Variants in FERMT2 observed in about 807,000 individuals in gnomAD.
The protein encoded by FERMT2 is fermitin family homolog 2.
In FERMT2, 15 loss-of-function variants were observed where a neutral mutation model predicts 82.7. The observed-to-expected ratio is 0.18, with a 90% CI of 0.12 to 0.28. The LOEUF is 0.28. Ranked by LOEUF, FERMT2 falls within the 10% of genes least tolerant of loss-of-function variation. The pLI is 1.00. For missense variants in FERMT2, 645 were observed against 809.4 expected (o/e 0.80, Z 2.46); for synonymous variants, 274 against 271.5 (o/e 1.01, Z -0.09).
chr14:52,906,091 A>G (rs1887993369), intron 3 of FERMT2, among the ~76,000 whole-genome samples: 1 of 152,200 alleles, frequency 6.6e-6, no homozygotes, highest in Non-Finnish European at 1.5e-5. Context: ...CTTACTGCCT[A>G]TGGGCAGGGG....
At chr14:52,927,157 A>T (rs1017236991) in intron 2 of FERMT2, among the ~76,000 whole-genome samples, 3 of 152,184 alleles carry the variant, frequency 2.0e-5, no homozygotes, top group African/African-American at 7.2e-5. Context: ...ACATCTGTGT[A>T]TTCTAAGGAA....
intron 2 of FERMT2, among the ~76,000 whole-genome samples, chr14:52,949,613 A>C (rs1260199311): frequency 6.6e-6 from 1 of 152,136 alleles, no homozygotes; most frequent in African/African-American, 2.4e-5. Flanking sequence ...AAATGGTTTC[A>C]TTCATCACAA....
intron 3 of FERMT2, among the ~76,000 whole-genome samples, chr14:52,904,685 C>A (rs560432179): frequency 1.9e-4 from 28 of 147,628 alleles, no homozygotes; most frequent in Non-Finnish European, 3.9e-4. Context: ...AGAGCAAGAC[C>A]CTTTCAAAAA....
intron 9 of FERMT2, among the ~76,000 whole-genome samples, chr14:52,873,919 T>A (rs1281304912): frequency 6.6e-6 from 1 of 152,010 alleles, no homozygotes; most frequent in Non-Finnish European, 1.5e-5. Context: ...TGTTTCAGCA[T>A]CTGTATGATG....
At chr14:52,906,743 A>G (rs1329846649) in intron 3 of FERMT2, among the ~76,000 whole-genome samples, 1 of 152,186 alleles carries the variant, frequency 6.6e-6, no homozygotes, top group Non-Finnish European at 1.5e-5. Flanking sequence ...TGGGATTAAC[A>G]GCAAATTAGC....
At chr14:52,908,608 T>C (rs1363852993) in intron 3 of FERMT2, among the ~76,000 whole-genome samples, 1 of 152,138 alleles carries the variant, frequency 6.6e-6, no homozygotes, top group Non-Finnish European at 1.5e-5. Context: ...AAGGCAAGAC[T>C]ATAGTAGCAG....
chr14:52,899,947 G>A (rs1424318399), intron 3 of FERMT2, among the ~76,000 whole-genome samples: 3 of 152,036 alleles, frequency 2.0e-5, no homozygotes, highest in Admixed American at 2.0e-4. Context: ...CATACCCAGA[G>A]GACTGTGAGA....
At chr14:52,950,713 G>T (rs554865632) in intron 1 of FERMT2, 136 bp from the exon 2 acceptor site, 1 of 817,420 alleles carries the variant, frequency 1.2e-6, no homozygotes, top group South Asian at 1.7e-5. Flanking sequence ...TCGGGAGGGC[G>T]GCGGCGGCCG....
intron 2 of FERMT2, among the ~76,000 whole-genome samples, chr14:52,923,271 A>G (rs1008242807): frequency 1.3e-5 from 2 of 152,124 alleles, no homozygotes; most frequent in African/African-American, 4.8e-5. Flanking sequence ...CAATGCCCAT[A>G]AACAGTTTTA....
At chr14:52,886,958 C>CAGT (rs1427006626) in intron 4 of FERMT2, among the ~76,000 whole-genome samples, 2 of 152,062 alleles carry the variant, frequency 1.3e-5, no homozygotes, top group African/African-American at 4.8e-5. Flanking sequence ...TGAGGTCCAT[C>CAGT]AGTATGTATC....
chr14:52,940,710 T>C (rs1380440195), intron 2 of FERMT2, among the ~76,000 whole-genome samples: 2 of 152,192 alleles, frequency 1.3e-5, no homozygotes, highest in Non-Finnish European at 1.5e-5. Context: ...ATTCTAGAAA[T>C]TGAAAAACTG....
At chr14:52,896,544 A>G (rs1466399416) in intron 3 of FERMT2, among the ~76,000 whole-genome samples, 2 of 152,156 alleles carry the variant, frequency 1.3e-5, no homozygotes, top group Non-Finnish European at 2.9e-5. Context: ...TAGCTGTGTG[A>G]CTCTGGACAA....
intron 4 of FERMT2, among the ~76,000 whole-genome samples, chr14:52,892,795 T>C (rs1056417780): frequency 6.6e-6 from 1 of 151,806 alleles, no homozygotes; most frequent in Non-Finnish European, 1.5e-5. Flanking sequence ...AACCAAATAG[T>C]GGTGGTTTTC....
chr14:52,917,768 A>C (rs1046449001), intron 3 of FERMT2, among the ~76,000 whole-genome samples: 3 of 152,220 alleles, frequency 2.0e-5, no homozygotes, highest in Admixed American at 2.0e-4. Flanking sequence ...GTTTAAGGGA[A>C]GCCACAGCCC....
At chr14:52,893,481 C>T (rs931987727) in intron 3 of FERMT2, 54 bp from the exon 4 acceptor site, 26 of 1,317,234 alleles carry the variant, frequency 2.0e-5, no homozygotes, top group South Asian at 4.1e-5. Flanking sequence ...AAACATTTTA[C>T]ACTTAGTAAA....
At chr14:52,886,202 GA>G (rs1566730101) in intron 4 of FERMT2, among the ~76,000 whole-genome samples, 1 of 151,980 alleles carries the variant, frequency 6.6e-6, no homozygotes, top group African/African-American at 2.4e-5. Context: ...ATTCAATATT[GA>G]GCAGAATGTA....
At chr14:52,863,347 C>G (rs142102080) in intron 12 of FERMT2, 24 of 152,046 alleles carry the variant, frequency 1.6e-4, no homozygotes, top group African/African-American at 5.1e-4. Context: ...TTTCATTGAG[C>G]CTTTTTAGTA....
chr14:52,875,852 T>C (rs1423602909), intron 7 of FERMT2, among the ~76,000 whole-genome samples: 1 of 152,166 alleles, frequency 6.6e-6, no homozygotes, highest in East Asian at 1.9e-4. Flanking sequence ...TTTTTCCCCA[T>C]CCTTGCTTCA....
chr14:52,947,489 AAAATAAAT>A (rs537981892), intron 2 of FERMT2, among the ~76,000 whole-genome samples: 9 of 152,156 alleles, frequency 5.9e-5, no homozygotes, highest in Admixed American at 1.3e-4. Flanking sequence ...CAAAAAGTAA[AAAATAAAT>A]AAATAAATAA....
Sources: allele counts gnomAD v4.1 joint callset (sites outside exome capture counted in the v4.1 genomes callset), GRCh38; gene constraint gnomAD v4.1.1; transcripts MANE v1.5; gene names NCBI Gene and HGNC (gene_info 2026-07-23, HGNC 2026-07-21).